The following RBFOX1 variants were observed in gnomAD, a reference collection of about 807,000 sequenced individuals.
RBFOX1 encodes RNA binding protein fox-1 homolog 1.
RBFOX1 carries 8 observed loss-of-function variants against 57.7 expected under a neutral mutation model. The ratio of observed to expected loss-of-function variants is 0.14; its 90% CI spans 0.08 to 0.25. RBFOX1 has a LOEUF of 0.25. RBFOX1 is among the 10% of genes least tolerant of loss of function. The pLI, the probability that RBFOX1 is intolerant of heterozygous loss-of-function variation, is 1.00. For missense variants in RBFOX1, 611 were observed against 548.5 expected (o/e 1.11, Z -1.14); for synonymous variants, 326 against 222.4 (o/e 1.47, Z -4.15).
intron 3 of RBFOX1, among the ~76,000 whole-genome samples, chr16:6,754,977 A>G (rs2075557744): frequency 6.6e-6 from 1 of 151,896 alleles, no homozygotes; most frequent in African/African-American, 2.4e-5. Context: ...TTCTTGGGAT[A>G]GTTTACTGAG....
intron 4 of RBFOX1, among the ~76,000 whole-genome samples, chr16:7,147,982 C>T (rs76054188): frequency 0.025 from 3,872 of 152,242 alleles, 72 homozygotes; most frequent in Non-Finnish European, 0.039. Context: ...TAGAACCTTG[C>T]AGTCACACAA....
chr16:7,707,098 C>T (rs1164513000), intron 14 of RBFOX1, among the ~76,000 whole-genome samples: 1 of 152,194 alleles, frequency 6.6e-6, no homozygotes, highest in Non-Finnish European at 1.5e-5. Context: ...GGCATCCCTT[C>T]AGGTCCTTGT....
intron 3 of RBFOX1, among the ~76,000 whole-genome samples, chr16:6,857,444 C>G (rs964403683): frequency 3.9e-5 from 6 of 152,132 alleles, no homozygotes; most frequent in Non-Finnish European, 5.9e-5. Flanking sequence ...AAGAGTTAAG[C>G]CATTTTTCTA....
intron 3 of RBFOX1, among the ~76,000 whole-genome samples, chr16:6,778,203 C>G (rs1292353874): frequency 1.3e-5 from 2 of 152,092 alleles, no homozygotes; most frequent in Non-Finnish European, 2.9e-5. Flanking sequence ...TTCAGTCTCC[C>G]TGGTCATTTT....
chr16:5,285,121 C>G (rs1281271542), intron 1 of RBFOX1, among the ~76,000 whole-genome samples: 1 of 152,252 alleles, frequency 6.6e-6, no homozygotes, highest in South Asian at 2.1e-4. Flanking sequence ...CATATGTGTC[C>G]CATATGTCAT....
chr16:7,005,878 G>C (rs1418851046), intron 3 of RBFOX1, among the ~76,000 whole-genome samples: 1 of 152,036 alleles, frequency 6.6e-6, no homozygotes, highest in Admixed American at 6.6e-5. Flanking sequence ...CCTTCTTCTG[G>C]ATAAGAACTA....
intron 3 of RBFOX1, among the ~76,000 whole-genome samples, chr16:6,777,036 C>G (rs886893943): frequency 2.0e-5 from 3 of 152,136 alleles, no homozygotes; most frequent in Non-Finnish European, 2.9e-5. Flanking sequence ...ATTGAAGGCA[C>G]ATTAATCTGA....
chr16:6,659,601 A>T (rs2098688500), intron 3 of RBFOX1, among the ~76,000 whole-genome samples: 1 of 152,130 alleles, frequency 6.6e-6, no homozygotes, highest in Admixed American at 6.5e-5. Context: ...CAAGCATGAG[A>T]CCAGGATTTA....
At chr16:7,335,289 C>T (rs959420704) in intron 4 of RBFOX1, among the ~76,000 whole-genome samples, 3 of 152,068 alleles carry the variant, frequency 2.0e-5, no homozygotes, top group Non-Finnish European at 4.4e-5. Context: ...AAAGTATTTC[C>T]TCTAGGGAAT....
At chr16:5,527,672 T>A (rs2044299087) in intron 2 of RBFOX1, among the ~76,000 whole-genome samples, 1 of 152,196 alleles carries the variant, frequency 6.6e-6, no homozygotes, top group Admixed American at 6.5e-5. Context: ...TTTTGGGTTT[T>A]GTGCTTGAGC....
At chr16:5,898,196 T>A (rs1238666893) in intron 4 of RBFOX1, among the ~76,000 whole-genome samples, 1 of 152,106 alleles carries the variant, frequency 6.6e-6, no homozygotes, top group East Asian at 1.9e-4. Context: ...ACTCACTCAC[T>A]CTCATGAGAA....
At chr16:5,410,895 A>G (rs1352953340) in intron 1 of RBFOX1, among the ~76,000 whole-genome samples, 1 of 152,192 alleles carries the variant, frequency 6.6e-6, no homozygotes, top group African/African-American at 2.4e-5. Flanking sequence ...AGCTTGGGAA[A>G]CCACTTGTAC....
rs191458450 is a variant in RBFOX1 at position 6,289,376 on chromosome 16, A to T, written c.-126-27619A>T. 6.6e-5 allele frequency among the ~76,000 whole-genome samples: 10 copies of T among 152,192 alleles called. No individual in the cohort carries two copies. In the East Asian group the frequency reaches 1.9e-3, roughly 30 times the overall value. ...AAAGTATAATGCCCTTCCCTCCCAA[A>T]AGTGTACCCTTTGCAGAATCAGTAG... On this transcript the variant is annotated intron_variant, in intron 1 of 15. Coordinates refer to ENST00000550418, the MANE Select transcript of RBFOX1 (RefSeq NM_018723.4).
intron 2 of RBFOX1, among the ~76,000 whole-genome samples, chr16:6,518,688 T>C (rs1218759392): frequency 1.3e-5 from 2 of 152,116 alleles, no homozygotes; most frequent in Non-Finnish European, 2.9e-5. Context: ...TTGAATTTTA[T>C]CTATGTATGT....
intron 4 of RBFOX1, among the ~76,000 whole-genome samples, chr16:7,163,352 C>G (rs191432898): frequency 6.6e-6 from 1 of 152,110 alleles, no homozygotes; most frequent in Non-Finnish European, 1.5e-5. Flanking sequence ...AGCAAAGAGG[C>G]ATGTGAGGAG....
intron 3 of RBFOX1, among the ~76,000 whole-genome samples, chr16:5,684,180 T>C (rs371672599): frequency 1.3e-5 from 2 of 152,158 alleles, no homozygotes; most frequent in South Asian, 4.1e-4. Flanking sequence ...AGGATATCCC[T>C]GGAGGTGGGG....
At chr16:7,624,510 A>C (rs1205573241) in intron 10 of RBFOX1, among the ~76,000 whole-genome samples, 1 of 152,234 alleles carries the variant, frequency 6.6e-6, no homozygotes, top group Admixed American at 6.5e-5. Context: ...CTGGAAAAGC[A>C]CATGGAGTTC....
At chr16:5,413,378 C>G (rs1473299338) in intron 1 of RBFOX1, among the ~76,000 whole-genome samples, 1 of 152,192 alleles carries the variant, frequency 6.6e-6, no homozygotes, top group Non-Finnish European at 1.5e-5. Flanking sequence ...AGAACTCCAT[C>G]TGCTTGACCT....
intron 2 of RBFOX1, among the ~76,000 whole-genome samples, chr16:6,609,033 C>T (rs1269146440): frequency 6.6e-6 from 1 of 152,174 alleles, no homozygotes; most frequent in African/African-American, 2.4e-5. Context: ...TTCTGTCTCC[C>T]TCTCCCATAT....
Sources: gnomAD v4.1 joint callset for allele counts (sites outside exome capture counted in the v4.1 genomes callset) on GRCh38, gnomAD v4.1.1 for gene constraint, MANE v1.5 for transcripts, NCBI Gene and HGNC (gene_info 2026-07-23, HGNC 2026-07-21) for gene names.